Variants in DMD observed in about 807,000 individuals in gnomAD.
DMD encodes mutant dystrophin.
In DMD, 63 loss-of-function variants were observed where a neutral mutation model predicts 330.1. That is an observed-to-expected ratio of 0.19 (90% CI 0.16 to 0.24). The LOEUF is 0.24. DMD is among the 10% of genes least tolerant of loss of function. The pLI is 1.00. For missense variants in DMD, 3,344 were observed against 2,684.1 expected (o/e 1.25, Z -5.43); for synonymous variants, 1,223 against 959.8 (o/e 1.27, Z -5.07).
chrX:33,023,733 A>G (rs1479165169), intron 1 of DMD, among the ~76,000 whole-genome samples: 2 of 111,624 alleles, frequency 1.8e-5, no homozygotes, highest in East Asian at 5.6e-4. Context: ...ATTCTTAAAC[A>G]TTTCAAGTCA....
At chrX:32,461,836 C>A (rs144246252) in intron 25 of DMD, among the ~76,000 whole-genome samples, 1,400 of 109,578 alleles carry the variant, frequency 0.013, 23 homozygotes, top group East Asian at 0.093. Flanking sequence ...AACAACTCTT[C>A]TAGCACTGAC....
chrX:32,473,405 AC>A (rs2040870693), intron 21 of DMD, among the ~76,000 whole-genome samples: 1 of 111,642 alleles, frequency 9.0e-6, no homozygotes, highest in Admixed American at 9.6e-5. Flanking sequence ...CCATATTTAA[AC>A]AGATAATGGC....
intron 51 of DMD, among the ~76,000 whole-genome samples, chrX:31,747,532 G>A (rs1055220789): frequency 9.0e-6 from 1 of 111,343 alleles, no homozygotes; most frequent in African/African-American, 3.3e-5. Context: ...GTCTACATTA[G>A]CACATGGTGC....
chrX:31,366,888 T>A (rs187140951), intron 60 of DMD, among the ~76,000 whole-genome samples: 45 of 111,084 alleles, frequency 4.1e-4, no homozygotes, highest in African/African-American at 1.4e-3. Flanking sequence ...GTTTCCCTTA[T>A]GCTACAGCAT....
At chrX:32,544,344 C>G (rs376247468) in intron 17 of DMD, among the ~76,000 whole-genome samples, 1 of 111,655 alleles carries the variant, frequency 9.0e-6, no homozygotes, top group African/African-American at 3.3e-5. Context: ...ACTTCTCTAC[C>G]CTGGTATACA....
At chrX:33,039,977 A>G (rs1214175963) in intron 1 of DMD, among the ~76,000 whole-genome samples, 1 of 111,000 alleles carries the variant, frequency 9.0e-6, no homozygotes, top group Non-Finnish European at 1.9e-5. Context: ...TGAAAGGTTT[A>G]CCTTTGGCAG....
chrX:32,871,143 G>GTT (rs11374044), intron 2 of DMD, among the ~76,000 whole-genome samples: 68 of 105,740 alleles, frequency 6.4e-4, no homozygotes, highest in East Asian at 2.7e-3. Flanking sequence ...CTTTTCCCGT[G>GTT]TTTTTTTTCT....
At chrX:32,251,575 T>C (rs2097263708) in intron 43 of DMD, among the ~76,000 whole-genome samples, 1 of 111,749 alleles carries the variant, frequency 8.9e-6, no homozygotes, top group Non-Finnish European at 1.9e-5. Flanking sequence ...TCCACTTCCA[T>C]TGCCATCTCA....
intron 43 of DMD, among the ~76,000 whole-genome samples, chrX:32,280,418 C>T (rs922016129): frequency 5.5e-5 from 6 of 109,880 alleles, no homozygotes; most frequent in African/African-American, 1.7e-4. Context: ...TTACCCCTTA[C>T]TTCCTAATTC....
intron 37 of DMD, among the ~76,000 whole-genome samples, chrX:32,353,507 G>A (rs1404708743): frequency 9.0e-6 from 1 of 111,372 alleles, no homozygotes; most frequent in Non-Finnish European, 1.9e-5. Context: ...TATTGGGTAA[G>A]TTACTTCTAT....
intron 1 of DMD, among the ~76,000 whole-genome samples, chrX:33,109,470 T>C (rs1262207002): frequency 3.6e-5 from 4 of 111,975 alleles, no homozygotes; most frequent in South Asian, 7.4e-4. Context: ...GAAATTCACA[T>C]TGACATTTCT....
chrX:31,303,412 C>G (rs2054800444), intron 62 of DMD, among the ~76,000 whole-genome samples: 2 of 111,753 alleles, frequency 1.8e-5, no homozygotes, highest in South Asian at 7.5e-4. Flanking sequence ...TAAATCTGAT[C>G]TTTCTTTAGA....
At chrX:32,599,216 C>T (rs1430839665) in intron 12 of DMD, among the ~76,000 whole-genome samples, 1 of 111,503 alleles carries the variant, frequency 9.0e-6, no homozygotes, top group African/African-American at 3.3e-5. Context: ...AGCTAATCTC[C>T]TTAATATCAG....
intron 60 of DMD, among the ~76,000 whole-genome samples, chrX:31,430,747 A>C (rs973280546): frequency 2.8e-5 from 3 of 108,409 alleles, no homozygotes; most frequent in Non-Finnish European, 5.7e-5. Flanking sequence ...TGCCAGACCT[A>C]AGAATTGGAA....
chrX:33,286,173 T>C (rs1197507015), intron 1 of DMD, among the ~76,000 whole-genome samples: 1 of 111,596 alleles, frequency 9.0e-6, no homozygotes, highest in East Asian at 2.8e-4. Context: ...TGTACAATGT[T>C]CCACCAAAGT....
chrX:31,935,569 CT>C (rs946890486), intron 45 of DMD, among the ~76,000 whole-genome samples: 1 of 111,446 alleles, frequency 9.0e-6, no homozygotes, highest in African/African-American at 3.3e-5. Flanking sequence ...TCTATCTCAT[CT>C]TTTTCTCTCT....
At chrX:33,104,283 TAA>T (rs779940865) in intron 1 of DMD, among the ~76,000 whole-genome samples, 12 of 111,864 alleles carry the variant, frequency 1.1e-4, no homozygotes, top group Non-Finnish European at 2.1e-4. Context: ...TTCTTTTGAA[TAA>T]AGAGACTATC....
At chrX:32,939,894 G>T (rs1263892208) in intron 2 of DMD, among the ~76,000 whole-genome samples, 1 of 111,085 alleles carries the variant, frequency 9.0e-6, no homozygotes, top group Non-Finnish European at 1.9e-5. Context: ...CAAACAAATA[G>T]AAAAACTTTC....
chrX:32,741,903 A>ATGTTTATGTTACTATTAGAT (rs1460743149), intron 7 of DMD, among the ~76,000 whole-genome samples: 1 of 112,059 alleles, frequency 8.9e-6, no homozygotes, highest in African/African-American at 3.2e-5. Context: ...AAGCCGCTTG[A>ATGTTTATGTTACTATTAGAT]TGTTTATGTT....
Sources: gnomAD v4.1 joint callset for allele counts (sites outside exome capture counted in the v4.1 genomes callset) on GRCh38, gnomAD v4.1.1 for gene constraint, MANE v1.5 for transcripts, NCBI Gene and HGNC (gene_info 2026-07-23, HGNC 2026-07-21) for gene names.